The following DTNA variants were observed in gnomAD, a reference collection of about 807,000 sequenced individuals.
DTNA encodes the protein dystrobrevin alpha.
A neutral mutation model predicts 100.7 loss-of-function variants in DTNA; 43 were observed. The observed-to-expected ratio is 0.43, with a 90% CI of 0.33 to 0.55. The LOEUF is 0.55. DTNA is among the 20% of genes least tolerant of loss of function. The pLI is 0.04. For synonymous variants in DTNA, 349 were observed against 347.9 expected (o/e 1.00, Z -0.04); for missense variants, 798 against 953.9 (o/e 0.84, Z 2.15).
At chr18:34,554,703 C>G (rs1273083548) in intron 1 of DTNA, among the ~76,000 whole-genome samples, 3 of 142,400 alleles carry the variant, frequency 2.1e-5, no homozygotes, top group Admixed American at 2.0e-4. Context: ...ATTGAACCAG[C>G]CTTGCATCCC....
chr18:34,634,160 C>T (rs927961204), intron 1 of DTNA, among the ~76,000 whole-genome samples: 2 of 152,136 alleles, frequency 1.3e-5, no homozygotes, highest in African/African-American at 4.8e-5. Flanking sequence ...ACTGTGGTTG[C>T]ATTTTTCATC....
intron 17 of DTNA, among the ~76,000 whole-genome samples, chr18:34,869,080 T>C (rs1180383540): frequency 6.6e-6 from 1 of 152,216 alleles, no homozygotes; most frequent in African/African-American, 2.4e-5. Flanking sequence ...ATTACAGTGG[T>C]ACCAGATCTT....
Position 34,851,878 on chromosome 18 carries a change from T to C in DTNA, c.1482T>C (p.Asp494=). ...RSAPDISFTI[D]ANKQQRQLIA... The stretch of plus-strand genomic sequence containing the variant: ...CTCCTGACATCTCTTTCACCATCGA[T>C]GCGAATAAGCAGCAAAGGCAGCTGA... The change falls in exon 15 of 23, where the codon GAT becomes GAC. Residue 494 remains aspartate, a synonymous_variant. Transcript: ENST00000444659. 6.2e-7 allele frequency: 1 copy of C among 1,614,086 alleles called. No homozygotes were observed. The highest frequency in any genetic ancestry group is 8.5e-7 in the Non-Finnish European group (1 of 1,179,948).
At chr18:34,740,992 T>G (rs2090545970) in intron 1 of DTNA, among the ~76,000 whole-genome samples, 1 of 152,164 alleles carries the variant, frequency 6.6e-6, no homozygotes, top group South Asian at 2.1e-4. Flanking sequence ...GTGGGTATTT[T>G]TATTTGTTCC....
chr18:34,694,065 T>A (rs1313097818), intron 1 of DTNA, among the ~76,000 whole-genome samples: 1 of 152,080 alleles, frequency 6.6e-6, no homozygotes, highest in African/African-American at 2.4e-5. Flanking sequence ...AATAATTTTT[T>A]AAAATCTCAG....
chr18:34,536,730 A>G (rs1423050443), intron 1 of DTNA, among the ~76,000 whole-genome samples: 1 of 152,000 alleles, frequency 6.6e-6, no homozygotes, highest in Non-Finnish European at 1.5e-5. Flanking sequence ...TAAGTTGCAC[A>G]TGAGAAATAT....
intron 2 of DTNA, among the ~76,000 whole-genome samples, chr18:34,765,543 G>A (rs895436458): frequency 1.3e-5 from 2 of 152,186 alleles, no homozygotes; most frequent in African/African-American, 2.4e-5. Context: ...AAGATGCTCA[G>A]CAGTCAGTAC....
intron 1 of DTNA, among the ~76,000 whole-genome samples, chr18:34,588,573 C>G (rs2049368487): frequency 6.6e-6 from 1 of 152,118 alleles, no homozygotes; most frequent in African/African-American, 2.4e-5. Flanking sequence ...TTATGCTCCT[C>G]TCCCCTATAA....
chr18:34,863,695 T>C (rs574674513), intron 16 of DTNA, among the ~76,000 whole-genome samples: 1 of 152,314 alleles, frequency 6.6e-6, no homozygotes, highest in East Asian at 1.9e-4. Flanking sequence ...CAGAAAATAT[T>C]TCATTCAATG....
chr18:34,731,465 G>T (rs905088757), intron 1 of DTNA, among the ~76,000 whole-genome samples: 2 of 150,890 alleles, frequency 1.3e-5, no homozygotes, highest in African/African-American at 4.9e-5. Context: ...CAGCCTGGGC[G>T]ACAGAGCGAG....
intron 4 of DTNA, among the ~76,000 whole-genome samples, chr18:34,804,154 T>A (rs1479047798): frequency 6.6e-6 from 1 of 151,850 alleles, no homozygotes; most frequent in East Asian, 1.9e-4. Context: ...TGATATTGAG[T>A]GGCATCTTGA....
At chr18:34,605,553 T>C (rs1379234970) in intron 1 of DTNA, among the ~76,000 whole-genome samples, 1 of 152,060 alleles carries the variant, frequency 6.6e-6, no homozygotes, top group Non-Finnish European at 1.5e-5. Context: ...AAAGTGCTGC[T>C]GCCTGGCTTA....
At chr18:34,584,089 A>G (rs1000490427) in intron 1 of DTNA, among the ~76,000 whole-genome samples, 2 of 152,122 alleles carry the variant, frequency 1.3e-5, no homozygotes, top group Non-Finnish European at 2.9e-5. Context: ...ACCAGGCTGT[A>G]CTTCCCAGGC....
intron 1 of DTNA, among the ~76,000 whole-genome samples, chr18:34,672,828 C>CTG (rs1223529402): frequency 6.6e-6 from 1 of 151,972 alleles, no homozygotes; most frequent in Non-Finnish European, 1.5e-5. Context: ...AAACATATGT[C>CTG]TGTGTGTGTG....
chr18:34,711,912 T>C (rs1007319444), intron 1 of DTNA, among the ~76,000 whole-genome samples: 2 of 152,152 alleles, frequency 1.3e-5, no homozygotes, highest in South Asian at 4.1e-4. Context: ...GTATCTGAAT[T>C]TATTCCTTTC....
At chr18:34,784,471 C>T (rs9949479) in intron 3 of DTNA, among the ~76,000 whole-genome samples, 3,674 of 152,284 alleles carry the variant, frequency 0.024, 149 homozygotes, top group African/African-American at 0.084. Flanking sequence ...TCCTTCCCTC[C>T]TTATCCCCAT....
chr18:34,794,005 G>C (rs1175298724), intron 3 of DTNA, 32 bp from the exon 4 acceptor site: 1 of 1,605,564 alleles, frequency 6.2e-7, no homozygotes, highest in Non-Finnish European at 8.5e-7. Flanking sequence ...CCATTACTTT[G>C]GGCTGATGTG....
intron 1 of DTNA, among the ~76,000 whole-genome samples, chr18:34,547,922 C>A (rs1276755252): frequency 3.3e-5 from 5 of 152,152 alleles, no homozygotes; most frequent in Middle Eastern, 3.4e-3. Context: ...TAAGTGTTAA[C>A]CCAGCCAGAA....
At chr18:34,876,811 C>G (rs990662031) in intron 18 of DTNA, among the ~76,000 whole-genome samples, 3 of 152,084 alleles carry the variant, frequency 2.0e-5, no homozygotes, top group South Asian at 4.1e-4. Flanking sequence ...ATGTAATTCA[C>G]AAAATAACTT....
Sources: gnomAD v4.1 joint callset for allele counts (sites outside exome capture counted in the v4.1 genomes callset) on GRCh38, gnomAD v4.1.1 for gene constraint, MANE v1.5 for transcripts, NCBI Gene and HGNC (gene_info 2026-07-23, HGNC 2026-07-21) for gene names.